Variants in THSD4 observed in about 807,000 individuals in gnomAD.
The protein encoded by THSD4 is thrombospondin type 1 domain containing 4.
THSD4 carries 69 observed loss-of-function variants against 119.0 expected under a neutral mutation model. The ratio of observed to expected loss-of-function variants is 0.58; its 90% CI spans 0.48 to 0.71. THSD4 has a LOEUF of 0.71. Ranked by LOEUF, THSD4 falls within the 30% of genes least tolerant of loss-of-function variation. The pLI is 0.00. For missense variants in THSD4, 1,393 were observed against 1,391.1 expected (o/e 1.00, Z -0.02); for synonymous variants, 524 against 540.4 (o/e 0.97, Z 0.42).
intron 7 of THSD4, among the ~76,000 whole-genome samples, chr15:71,652,630 C>T (rs138973601): frequency 1.3e-5 from 2 of 152,240 alleles, no homozygotes; most frequent in South Asian, 2.1e-4. Flanking sequence ...GTTTACCTCT[C>T]GGGACTCCTT....
intron 6 of THSD4, among the ~76,000 whole-genome samples, chr15:71,368,040 A>G (rs1467355211): frequency 2.0e-5 from 3 of 152,224 alleles, no homozygotes; most frequent in East Asian, 3.9e-4. Context: ...GCCAGTGATG[A>G]TGAGCATTTT....
intron 7 of THSD4, among the ~76,000 whole-genome samples, chr15:71,617,151 C>A (rs1983033): frequency 0.33 from 50,778 of 152,044 alleles, 8,655 homozygotes; most frequent in East Asian, 0.4. Context: ...CTAACATAAA[C>A]TCCAATCTGA....
At chr15:71,596,773 A>C (rs1452843516) in intron 7 of THSD4, among the ~76,000 whole-genome samples, 1 of 152,148 alleles carries the variant, frequency 6.6e-6, no homozygotes, top group Non-Finnish European at 1.5e-5. Context: ...CTGGCTGGGG[A>C]GCGCAGCTCT....
At chr15:71,692,950 ATAACT>A (rs1255893715) in intron 8 of THSD4, among the ~76,000 whole-genome samples, 1 of 142,136 alleles carries the variant, frequency 7.0e-6, no homozygotes, top group Non-Finnish European at 1.5e-5. Flanking sequence ...GCAAAGAATA[ATAACT>A]TAAGGAAGAG....
At chr15:71,379,163 G>A (rs2046192164) in intron 6 of THSD4, among the ~76,000 whole-genome samples, 1 of 150,740 alleles carries the variant, frequency 6.6e-6, no homozygotes, top group Non-Finnish European at 1.5e-5. Flanking sequence ...TAGCACTGGT[G>A]TGTGTGGGTG....
Position 71,567,765 on chromosome 15 carries a change from A to G in THSD4, c.1153-92765A>G, listed in dbSNP as rs796849131. On this transcript the variant is annotated intron_variant, in intron 7 of 17. Coordinates refer to ENST00000261862, the MANE Select transcript of THSD4 (RefSeq NM_024817.3). ...GGAAGCCAGAACAGCTGGAGAGAGA[A>G]AGAGAGAGAGAGTGTGTGTGTGTGT... 1.3e-3 allele frequency among the ~76,000 whole-genome samples: 168 copies of G among 132,890 alleles called. 2 individuals are homozygous for G. Among genetic ancestry groups the G allele is most frequent in the African/African-American group, 4.1e-3 (153 of 37,080 alleles). 87.2% of individuals were successfully genotyped at this position (132,890 alleles called of 152,430 possible).
chr15:71,243,119 G>C (rs12440013), intron 5 of THSD4, 23 bp downstream of exon 5: 773,376 of 1,579,498 alleles, frequency 0.49, 192,768 homozygotes, highest in East Asian at 0.74. Flanking sequence ...AACCCATACC[G>C]GGCCTGGAAA....
In THSD4 at chr15:71,407,012, G is replaced by A. The variant is rs141947753; in HGVS notation, c.1016-4675G>A. On this transcript the variant is annotated intron_variant, in intron 6 of 17. Transcript: ENST00000261862. ...CAGTTTTTACTTTATGTATTTTGGG[G>A]CTTGGTTGTTATGTCTTCCTGATGG... 9.4e-3 allele frequency among the ~76,000 whole-genome samples: 1,431 copies of A among 152,010 alleles called. 21 individuals carry two copies. Among genetic ancestry groups the A allele is most frequent in the African/African-American group, 0.033 (1,373 of 41,460 alleles).
chr15:71,634,785 A>G (rs2050707250), intron 7 of THSD4, among the ~76,000 whole-genome samples: 1 of 152,222 alleles, frequency 6.6e-6, no homozygotes, highest in Non-Finnish European at 1.5e-5. Flanking sequence ...CATTCCATGT[A>G]CGCCTTACGC....
intron 1 of THSD4, among the ~76,000 whole-genome samples, chr15:71,127,267 A>G (rs780188933): frequency 3.9e-5 from 6 of 152,256 alleles, no homozygotes; most frequent in Non-Finnish European, 7.4e-5. Flanking sequence ...TTCCTTTTTA[A>G]GGTTGAATAA....
upstream of THSD4, chr15:71,113,509 C>G (rs999861206): frequency 6.6e-6 from 1 of 152,208 alleles, no homozygotes; most frequent in Non-Finnish European, 1.5e-5. Context: ...GAGCCCTGTT[C>G]GCCCCAGACA....
chr15:71,535,587 T>C (rs952892816), intron 7 of THSD4, among the ~76,000 whole-genome samples: 1 of 152,208 alleles, frequency 6.6e-6, no homozygotes, highest in African/African-American at 2.4e-5. Context: ...TGACCACTAG[T>C]AGTATGTAAG....
intron 7 of THSD4, among the ~76,000 whole-genome samples, chr15:71,545,280 A>G (rs1034343234): frequency 5.3e-5 from 8 of 152,220 alleles, no homozygotes; most frequent in Admixed American, 2.6e-4. Context: ...TGACCTTTCC[A>G]GAGCCCTTGC....
At chr15:71,633,912 C>T (rs2050686079) in intron 7 of THSD4, among the ~76,000 whole-genome samples, 1 of 152,158 alleles carries the variant, frequency 6.6e-6, no homozygotes, top group African/African-American at 2.4e-5. Context: ...TCTGGCTGGG[C>T]ACGGTGGCTC....
chr15:71,734,806 AAAAAAAAAAAAAAGCCTATT>A (rs1215936767), intron 10 of THSD4, among the ~76,000 whole-genome samples: 1 of 132,984 alleles, frequency 7.5e-6, no homozygotes, highest in East Asian at 2.1e-4. Flanking sequence ...AAACTGCTCT[AAAAAAAAAAAAAAGCCTATT>A]AAAAAAAAAA....
Position 71,321,310 on chromosome 15 carries a change from C to T in THSD4, c.1015+64595C>T, listed in dbSNP as rs141072086. On this transcript the variant is annotated intron_variant, in intron 6 of 17. Coordinates refer to ENST00000261862, the MANE Select transcript of THSD4 (RefSeq NM_024817.3). ...CAGCACTTTGGGAGGCTGAGGCAGG[C>T]GAATCACCTGAGGTCAGGAGTTGGA... is the stretch of plus-strand genomic sequence containing the variant. Among the ~76,000 whole-genome samples, 959 of 152,180 alleles carry T rather than the reference C, an allele frequency of 6.3e-3. 6 individuals are homozygous for T. The highest frequency in any genetic ancestry group is 0.01 in the Non-Finnish European group (707 of 68,008).
At chr15:71,749,611 T>A (rs2053406110) in intron 14 of THSD4, among the ~76,000 whole-genome samples, 1 of 152,206 alleles carries the variant, frequency 6.6e-6, no homozygotes, top group Non-Finnish European at 1.5e-5. Context: ...CATTAAAGTG[T>A]AGGTCTGAGG....
chr15:71,694,225 A>G (rs1342454599), intron 8 of THSD4, among the ~76,000 whole-genome samples: 1 of 152,152 alleles, frequency 6.6e-6, no homozygotes, highest in African/African-American at 2.4e-5. Flanking sequence ...TCCTTCTTGT[A>G]ATGTCATGGT....
chr15:71,426,951 C>G (rs181328125), intron 7 of THSD4, among the ~76,000 whole-genome samples: 96 of 152,204 alleles, frequency 6.3e-4, no homozygotes, highest in African/African-American at 2.0e-3. Context: ...AACCTCCTTT[C>G]CTAGAAATAA....
Sources: gnomAD v4.1 joint callset for allele counts (sites outside exome capture counted in the v4.1 genomes callset) on GRCh38, gnomAD v4.1.1 for gene constraint, MANE v1.5 for transcripts, NCBI Gene and HGNC (gene_info 2026-07-23, HGNC 2026-07-21) for gene names.